Variants in WDFY1 observed in about 807,000 individuals in gnomAD.
The protein encoded by WDFY1 is WD repeat and FYVE domain containing 1.
Under a neutral mutation model 56.4 loss-of-function variants are expected in WDFY1, and 32 were observed. The observed-to-expected ratio is 0.57, with a 90% CI of 0.43 to 0.76. The LOEUF is 0.76. WDFY1 is among the 30% of genes least tolerant of loss of function. The probability of loss-of-function intolerance (pLI) is 0.00; values close to 1 mark genes in which losing one functional copy is unlikely to be tolerated. For synonymous variants in WDFY1, 192 were observed against 197.3 expected (o/e 0.97, Z 0.23); for missense variants, 480 against 545.7 (o/e 0.88, Z 1.20).
At position 223,913,993 on chromosome 2, in the gene WDFY1, C is replaced by CTTTTTT. The variant is rs386392770; in HGVS notation, c.206-1673_206-1668dup. On this transcript the variant is annotated intron_variant, in intron 2 of 11. Coordinates refer to ENST00000233055, the MANE Select transcript of WDFY1 (RefSeq NM_020830.5). ...AGGAATCATCTTTCAAATCAGTTAGCTTTTTTTTTTTTTTTTTTTTTTTGA... is the reference window on the plus strand; with the variant it reads ...AGGAATCATCTTTCAAATCAGTTAGCTTTTTTTTTTTTTTTTTTTTTTTTTTTTTGA... Among the ~76,000 whole-genome samples, 146 of 88,134 alleles carry CTTTTTT rather than the reference C, an allele frequency of 1.7e-3. 6 individuals carry two copies. Among genetic ancestry groups the CTTTTTT allele is most frequent in the African/African-American group, 3.8e-3 (81 of 21,422 alleles). The allele number at this position is 88,134 out of a possible 152,430, so 57.8% of individuals were successfully genotyped here.
At chr2:223,885,042 A>G (rs1253378335) in intron 8 of WDFY1, among the ~76,000 whole-genome samples, 1 of 151,874 alleles carries the variant, frequency 6.6e-6, no homozygotes, top group Admixed American at 6.6e-5. Flanking sequence ...GGGTTTTGCC[A>G]TGTTGGCCAG....
chr2:223,911,582 AC>A (rs1693702414), intron 3 of WDFY1, among the ~76,000 whole-genome samples: 1 of 134,342 alleles, frequency 7.4e-6, no homozygotes, highest in Admixed American at 7.2e-5. Flanking sequence ...ACACACACAC[AC>A]ACACACACAC....
intron 4 of WDFY1, 66 bp downstream of exon 4, chr2:223,905,881 G>T: frequency 8.9e-7 from 1 of 1,123,400 alleles, no homozygotes; most frequent in Non-Finnish European, 1.2e-6. Flanking sequence ...CATCATAAGA[G>T]ATGATGTTCT....
At chr2:223,880,044 G>T in intron 11 of WDFY1, 80 bp downstream of exon 11, 1 of 1,213,148 alleles carries the variant, frequency 8.2e-7, no homozygotes, top group Non-Finnish European at 1.2e-6. Flanking sequence ...CAGTCAGAAA[G>T]AGTGACTGTC....
Position 223,890,758 on chromosome 2 carries a change from A to G in WDFY1, c.831+3476T>C, listed in dbSNP as rs187470449. Among the ~76,000 whole-genome samples the G allele has an allele frequency of 1.4e-3, 213 of 152,326 alleles. 1 individual carries two copies. Among genetic ancestry groups the G allele is most frequent in the Middle Eastern group, 6.8e-3 (2 of 294 alleles). ...ACTGCCACTAACTGCTGCACTCGTC[A>G]CACTGCACTAGTATATAAAATGCTA... On this transcript the variant is annotated intron_variant, in intron 8 of 11. Coordinates refer to ENST00000233055, the MANE Select transcript of WDFY1 (RefSeq NM_020830.5).
intron 6 of WDFY1, 101 bp from the exon 7 acceptor site, chr2:223,895,731 G>A (rs1475453763): frequency 2.7e-6 from 4 of 1,496,864 alleles, no homozygotes; most frequent in Non-Finnish European, 1.8e-6. Context: ...ACCAAACTAG[G>A]AGCAGCTGAG....
At chr2:223,915,120 C>T (rs1001151819) in intron 2 of WDFY1, among the ~76,000 whole-genome samples, 1 of 152,224 alleles carries the variant, frequency 6.6e-6, no homozygotes, top group East Asian at 1.9e-4. Context: ...TTATTTCTCA[C>T]AATGCATTCA....
chr2:223,893,215 T>G (rs1693307013), intron 8 of WDFY1, among the ~76,000 whole-genome samples: 1 of 152,100 alleles, frequency 6.6e-6, no homozygotes, highest in South Asian at 2.1e-4. Context: ...TGCAGCATTC[T>G]TCAAAATATT....
intron 3 of WDFY1, 130 bp from the exon 4 acceptor site, chr2:223,906,131 T>G: frequency 1.5e-6 from 1 of 658,202 alleles, no homozygotes; most frequent in Non-Finnish European, 2.4e-6. Context: ...AGGCGAGTTA[T>G]TTAGGAATGA....
intron 1 of WDFY1, among the ~76,000 whole-genome samples, chr2:223,936,157 G>A (rs1694166361): frequency 6.7e-6 from 1 of 148,698 alleles, no homozygotes; most frequent in Non-Finnish European, 1.5e-5. Context: ...TGCCCCTTGG[G>A]TTCAAGCAAT....
chr2:223,925,064 T>G (rs1251434936), intron 1 of WDFY1, among the ~76,000 whole-genome samples: 1 of 152,134 alleles, frequency 6.6e-6, no homozygotes, highest in Non-Finnish European at 1.5e-5. Context: ...TCATATAAGC[T>G]TTATCCAAGG....
At chr2:223,909,245 T>C (rs1693648827) in intron 3 of WDFY1, among the ~76,000 whole-genome samples, 1 of 152,130 alleles carries the variant, frequency 6.6e-6, no homozygotes, top group South Asian at 2.1e-4. Flanking sequence ...TTTTAGTAAG[T>C]TCCCTCAATG....
In WDFY1 at chr2:223,884,756, GAGCAGA is replaced by G; in HGVS notation, c.832-13_832-8del. 6.2e-7 allele frequency: 1 copy of G among 1,613,626 alleles called. No individual in the cohort carries two copies. The highest frequency in any genetic ancestry group is 8.5e-7 in the Non-Finnish European group (1 of 1,179,734). ...TTTCCAACCACTGAGGAGCCTGGGG[GAGCAGA>G]AAGTCAAAGCCACCATCAGTGTGTC... On this transcript the variant is annotated splice_polypyrimidine_tract_variant and splice_region_variant and intron_variant, in intron 8 of 11. Coordinates refer to ENST00000233055, the MANE Select transcript of WDFY1 (RefSeq NM_020830.5).
intron 5 of WDFY1, among the ~76,000 whole-genome samples, chr2:223,900,568 G>A (rs1399921506): frequency 6.6e-6 from 1 of 152,020 alleles, no homozygotes; most frequent in Non-Finnish European, 1.5e-5. Flanking sequence ...TTTAGGCCGT[G>A]ATTTTTAGCA....
intron 2 of WDFY1, among the ~76,000 whole-genome samples, 187 bp from the exon 3 acceptor site, chr2:223,912,513 C>A (rs1353158642): frequency 2.6e-5 from 4 of 152,180 alleles, no homozygotes; most frequent in African/African-American, 9.6e-5. Flanking sequence ...TAGTTTAAAA[C>A]CTTGATTTCA....
At chr2:223,943,212 T>C (rs1250283064) in intron 1 of WDFY1, among the ~76,000 whole-genome samples, 1 of 151,232 alleles carries the variant, frequency 6.6e-6, no homozygotes, top group African/African-American at 2.4e-5. Flanking sequence ...GTCATTATTC[T>C]GTCCTTGCCT....
intron 8 of WDFY1, among the ~76,000 whole-genome samples, chr2:223,892,734 G>A (rs532908366): frequency 2.0e-5 from 3 of 152,308 alleles, no homozygotes; most frequent in African/African-American, 7.2e-5. Flanking sequence ...AACGCATAAT[G>A]TCTATTACAA....
In WDFY1 at chr2:223,912,255, T is replaced by C. The variant is rs1559170139; in HGVS notation, c.277A>G (p.Met93Val). Residue 93 changes from methionine (M) to valine (V), a missense_variant and splice_region_variant, in exon 3 of 12, where the codon ATG (methionine) becomes GTG (valine). Physicochemically the swap from Met to Val is conservative, Grantham distance 21. Coordinates refer to ENST00000233055, the MANE Select transcript of WDFY1 (RefSeq NM_020830.5). ...AATACATTCTAAAAGCTACCTACCATTACAGCTCCATTATCCTGGCCCACA... is the reference window on the plus strand; with the variant it reads ...AATACATTCTAAAAGCTACCTACCACTACAGCTCCATTATCCTGGCCCACA... ...IFVGQDNGAVMEFHVSEDFNK... is the reference protein window; with the variant it reads ...IFVGQDNGAVVEFHVSEDFNK... 6.2e-7 allele frequency: 1 copy of C among 1,608,850 alleles called. No individual in the cohort carries two copies. Among genetic ancestry groups the C allele is most frequent in the Non-Finnish European group, 8.5e-7 (1 of 1,178,586 alleles).
At chr2:223,942,786 C>T (rs1186341128) in intron 1 of WDFY1, among the ~76,000 whole-genome samples, 22 of 141,898 alleles carry the variant, frequency 1.6e-4, no homozygotes, top group African/African-American at 5.8e-4. Flanking sequence ...CCACCCGCCT[C>T]GGCCTCCCAA....
Sources: allele counts gnomAD v4.1 joint callset (sites outside exome capture counted in the v4.1 genomes callset), GRCh38; gene constraint gnomAD v4.1.1; transcripts MANE v1.5; gene names NCBI Gene and HGNC (gene_info 2026-07-23, HGNC 2026-07-21).